Variants in BMP7 observed in about 807,000 individuals in gnomAD.
The protein encoded by BMP7 is osteogenic protein 1.
A neutral mutation model predicts 41.2 loss-of-function variants in BMP7; 12 were observed. The ratio of observed to expected loss-of-function variants is 0.29; its 90% CI spans 0.19 to 0.47. BMP7 has a LOEUF of 0.47. Ranked by LOEUF, BMP7 falls within the 20% of genes least tolerant of loss-of-function variation. The pLI is 0.99. For synonymous variants in BMP7, 248 were observed against 250.0 expected, an observed-to-expected ratio of 0.99 and a Z score of 0.07; for missense variants, 467 against 606.0, an observed-to-expected ratio of 0.77 and a Z score of 2.41.
intron 1 of BMP7, among the ~76,000 whole-genome samples, chr20:57,243,697 C>T (rs931818456): frequency 6.6e-6 from 1 of 152,110 alleles, no homozygotes; most frequent in Non-Finnish European, 1.5e-5. Flanking sequence ...AAGTTCACGA[C>T]CGCAGAGGCT....
intron 2 of BMP7, among the ~76,000 whole-genome samples, chr20:57,217,322 A>C (rs889772050): frequency 6.6e-6 from 1 of 152,130 alleles, no homozygotes; most frequent in East Asian, 1.9e-4. Flanking sequence ...AGCGCCCCTA[A>C]CTAGGCCCTG....
intron 4 of BMP7, among the ~76,000 whole-genome samples, chr20:57,179,533 G>A (rs1275155638): frequency 6.6e-6 from 1 of 152,272 alleles, no homozygotes; most frequent in Non-Finnish European, 1.5e-5. Flanking sequence ...AGCCCCGGGG[G>A]AGGGGGCTGG....
At chr20:57,233,450 A>G (rs946137481) in intron 1 of BMP7, among the ~76,000 whole-genome samples, 1 of 152,234 alleles carries the variant, frequency 6.6e-6, no homozygotes, top group Non-Finnish European at 1.5e-5. Context: ...AAAACCCGAA[A>G]TAGCCCCAAA....
chr20:57,183,298 A>G (rs1984127832), intron 4 of BMP7, among the ~76,000 whole-genome samples: 1 of 152,026 alleles, frequency 6.6e-6, no homozygotes, highest in Admixed American at 6.5e-5. Flanking sequence ...AAAGTTTGCC[A>G]TGAATTTAAA....
chr20:57,175,920 C>T (rs1007637247), intron 4 of BMP7, among the ~76,000 whole-genome samples: 1 of 152,218 alleles, frequency 6.6e-6, no homozygotes, highest in Non-Finnish European at 1.5e-5. Context: ...GCCGTTTCCT[C>T]CACCTGCAAT....
intron 2 of BMP7, among the ~76,000 whole-genome samples, chr20:57,223,319 T>C (rs1985235700): frequency 6.6e-6 from 1 of 152,116 alleles, no homozygotes; most frequent in Admixed American, 6.5e-5. Context: ...TAGCCACCTG[T>C]TCACACCCCA....
rs780453766 is a variant in BMP7 at position 57,173,147 on chromosome 20, C to T, written c.1146+53G>A. 5.1e-6 allele frequency: 8 copies of T among 1,556,916 alleles called. No homozygotes were observed. The African/African-American group carries it at 8.2e-5, about 16-fold the overall frequency. On this transcript the variant is annotated intron_variant, in intron 6 of 6. Transcript: ENST00000395863. ...CTTGGAGGCAGCAGGATCTGGTGGC[C>T]CCGCAGCCTGCCCGGCCCAGGTGAC...
At chr20:57,207,258 G>A (rs1233436346) in intron 2 of BMP7, among the ~76,000 whole-genome samples, 1 of 152,146 alleles carries the variant, frequency 6.6e-6, no homozygotes, top group Non-Finnish European at 1.5e-5. Context: ...GGGGAAGGAG[G>A]CACAGGTCAT....
intron 2 of BMP7, among the ~76,000 whole-genome samples, chr20:57,226,375 AAG>A (rs1467614570): frequency 1.3e-5 from 2 of 152,226 alleles, no homozygotes; most frequent in Non-Finnish European, 2.9e-5. Flanking sequence ...GTGTCTACCA[AAG>A]CCACCCATGT....
intron 3 of BMP7, among the ~76,000 whole-genome samples, chr20:57,195,905 C>T (rs1238784851): frequency 1.3e-5 from 2 of 152,164 alleles, no homozygotes; most frequent in African/African-American, 2.4e-5. Context: ...AGATGGGGTG[C>T]AGGAGGGAGA....
chr20:57,264,924 G>A (rs1229686741), intron 1 of BMP7, among the ~76,000 whole-genome samples: 1 of 151,446 alleles, frequency 6.6e-6, no homozygotes, highest in Non-Finnish European at 1.5e-5. Flanking sequence ...CCAGCTACTC[G>A]GGAGGCTGAG....
At chr20:57,221,594 C>T (rs1334348269) in intron 2 of BMP7, among the ~76,000 whole-genome samples, 1 of 152,124 alleles carries the variant, frequency 6.6e-6, no homozygotes. Flanking sequence ...AGGAGAACAA[C>T]TTGAGGCCAA....
intron 1 of BMP7, among the ~76,000 whole-genome samples, chr20:57,250,329 A>T (rs1202313892): frequency 2.8e-5 from 4 of 143,156 alleles, no homozygotes; most frequent in African/African-American, 1.0e-4. Flanking sequence ...ATATTTATAT[A>T]ATATATAATA....
At chr20:57,184,815 C>T (rs1442596794) in intron 3 of BMP7, among the ~76,000 whole-genome samples, 4 of 152,148 alleles carry the variant, frequency 2.6e-5, no homozygotes, top group Non-Finnish European at 5.9e-5. Context: ...TTGCCAGGAG[C>T]CTCTGAAGCC....
At chr20:57,256,748 C>T (rs6014966) in intron 1 of BMP7, among the ~76,000 whole-genome samples, 4 of 152,070 alleles carry the variant, frequency 2.6e-5, no homozygotes, top group African/African-American at 4.8e-5. Context: ...ATTAGCTGGG[C>T]GTGGTGGTGG....
In BMP7 at chr20:57,224,160, G is replaced by A. The variant is rs1004113499; in HGVS notation, c.611+4069C>T. The stretch of plus-strand genomic sequence containing the variant: ...GGCCTCCTCTGCCAATCCATCCTGT[G>A]TGGTGGGGACAGGCAGGGGGCAGCT... On this transcript the variant is annotated intron_variant, in intron 2 of 6. Transcript: ENST00000395863. The surrounding 1 kb of genome is among the most constrained non-coding windows in gnomAD (Gnocchi z 4.8). Among the ~76,000 whole-genome samples the A allele has an allele frequency of 6.6e-6, 1 of 152,216 alleles. No homozygotes were observed. The highest frequency in any genetic ancestry group is 1.5e-5 in the Non-Finnish European group (1 of 68,038).
At position 57,186,659 on chromosome 20, in the gene BMP7, G is replaced by C. The variant is rs531645332; in HGVS notation, c.761-2740C>G. Among the ~76,000 whole-genome samples the C allele has an allele frequency of 1.1e-4, 17 of 152,292 alleles. No individual in the cohort carries two copies. In the South Asian group the frequency reaches 3.3e-3, roughly 30 times the overall value. On this transcript the variant is annotated intron_variant, in intron 3 of 6. Coordinates refer to ENST00000395863, the MANE Select transcript of BMP7 (RefSeq NM_001719.3). ...CTGCAGATACGGTGCCCCCAAGTTAGATGGGAGGGGTCAGAGGCCAGCAAA... is the reference window on the plus strand; with the variant it reads ...CTGCAGATACGGTGCCCCCAAGTTACATGGGAGGGGTCAGAGGCCAGCAAA...
chr20:57,227,113 T>C (rs1260855036), intron 2 of BMP7, among the ~76,000 whole-genome samples: 1 of 152,114 alleles, frequency 6.6e-6, no homozygotes. Context: ...AGGCGTGAGC[T>C]ACCACACCCG....
At position 57,240,896 on chromosome 20, in the gene BMP7, T is replaced by A. The variant is rs538878342; in HGVS notation, c.419-12475A>T. On this transcript the variant is annotated intron_variant, in intron 1 of 6. Coordinates refer to ENST00000395863, the MANE Select transcript of BMP7 (RefSeq NM_001719.3). ...GAATTCTGGGAGATACAATTCAAGT[T>A]GAGATTTGGTAGGGACACAGCCAAA... Among the ~76,000 whole-genome samples, 197 of 152,272 alleles carry A rather than the reference T, an allele frequency of 1.3e-3. 1 individual carries two copies. Among genetic ancestry groups the A allele is most frequent in the Middle Eastern group, 6.8e-3 (2 of 294 alleles).
Sources: gnomAD v4.1 joint callset for allele counts (sites outside exome capture counted in the v4.1 genomes callset) on GRCh38, gnomAD v4.1.1 for gene constraint, Gnocchi (gnomAD v3.1) non-coding constraint, MANE v1.5 for transcripts, NCBI Gene and HGNC (gene_info 2026-07-23, HGNC 2026-07-21) for gene names.